PRUNE2: variants seen among roughly 807,000 people sequenced by gnomAD.
PRUNE2 encodes protein prune homolog 2.
PRUNE2 carries 164 observed loss-of-function variants against 252.0 expected under a neutral mutation model. The ratio of observed to expected loss-of-function variants is 0.65; its 90% CI spans 0.57 to 0.74. The LOEUF (loss-of-function observed/expected upper bound fraction) is 0.74. Ranked by LOEUF, PRUNE2 falls within the 30% of genes least tolerant of loss-of-function variation. The probability of loss-of-function intolerance (pLI) is 0.00; values close to 1 mark genes in which losing one functional copy is unlikely to be tolerated. For synonymous variants in PRUNE2, 1,292 were observed against 1,350.2 expected (o/e 0.96, Z 0.94); for missense variants, 3,495 against 3,711.0 (o/e 0.94, Z 1.51).
intron 6 of PRUNE2, among the ~76,000 whole-genome samples, chr9:76,787,835 G>A (rs1284678044): frequency 6.6e-6 from 1 of 152,164 alleles, no homozygotes; most frequent in Non-Finnish European, 1.5e-5. Context: ...CCGTCTAGTT[G>A]CACAGTGCCG....
intron 9 of PRUNE2, among the ~76,000 whole-genome samples, chr9:76,675,578 G>C: frequency 9.3e-6 from 1 of 108,062 alleles, no homozygotes; most frequent in African/African-American, 3.0e-5. Context: ...TATACCCAAA[G>C]GACTATAAAT....
At chr9:76,899,124 G>C (rs1378542183) in intron 1 of PRUNE2, among the ~76,000 whole-genome samples, 1 of 152,212 alleles carries the variant, frequency 6.6e-6, no homozygotes. Flanking sequence ...AGACTAGGCT[G>C]GGCTGACTTG....
intron 1 of PRUNE2, among the ~76,000 whole-genome samples, chr9:76,901,287 A>G (rs2063156631): frequency 6.6e-5 from 10 of 152,088 alleles, no homozygotes; most frequent in Admixed American, 6.6e-4. Flanking sequence ...CATTCACGGG[A>G]AGTGCTTTGG....
At chr9:76,891,448 G>A (rs2062466889) in intron 1 of PRUNE2, among the ~76,000 whole-genome samples, 1 of 152,128 alleles carries the variant, frequency 6.6e-6, no homozygotes, top group Non-Finnish European at 1.5e-5. Flanking sequence ...TCCATTACAG[G>A]TGACACTTAG....
At chr9:76,641,285 C>T (rs471891) in intron 12 of PRUNE2, among the ~76,000 whole-genome samples, 2 of 151,598 alleles carry the variant, frequency 1.3e-5, no homozygotes, top group African/African-American at 4.9e-5. Flanking sequence ...GCAAAAAGAG[C>T]AGGAAGAAAG....
At position 76,710,021 on chromosome 9, in the gene PRUNE2, T is replaced by C. The variant is rs1328546887; in HGVS notation, c.2253A>G (p.Pro751=). Residue 751 remains proline, a synonymous_variant, in exon 8 of 19, where the codon CCA becomes CCG. Transcript: ENST00000376718. The stretch of plus-strand genomic sequence containing the variant: ...GGTTTGTTCCTTGGGGAGATGTATT[T>C]GGCAAAGGTGACTTCTCCATGGGCA... ...QNLPMEKSPL[P]NTSPQGTNHL... 1.2e-6 allele frequency: 2 copies of C among 1,613,736 alleles called. No individual in the cohort carries two copies. The highest frequency in any genetic ancestry group is 2.7e-5 in the African/African-American group (2 of 74,910).
At chr9:76,896,557 C>T (rs1361694371) in intron 1 of PRUNE2, among the ~76,000 whole-genome samples, 3 of 152,174 alleles carry the variant, frequency 2.0e-5, no homozygotes, top group South Asian at 2.1e-4. Context: ...TGAATCCTTT[C>T]ATCGCTTTCT....
chr9:76,697,316 G>A (rs1414659755), intron 9 of PRUNE2, among the ~76,000 whole-genome samples: 1 of 152,118 alleles, frequency 6.6e-6, no homozygotes, highest in Non-Finnish European at 1.5e-5. Flanking sequence ...GGCTCTCTCT[G>A]GCTGTAAAAT....
At chr9:76,768,036 C>T (rs568682448) in intron 6 of PRUNE2, among the ~76,000 whole-genome samples, 12 of 152,268 alleles carry the variant, frequency 7.9e-5, no homozygotes, top group African/African-American at 2.2e-4. Context: ...TGCATCACAG[C>T]GGCAGGTCAG....
chr9:76,692,256 C>T (rs978239293), intron 9 of PRUNE2: 52 of 689,902 alleles, frequency 7.5e-5, no homozygotes, highest in Non-Finnish European at 1.2e-4. Context: ...CCCATGCAGC[C>T]GCTGTGGCTA....
chr9:76,867,714 G>A (rs766789267), intron 1 of PRUNE2, among the ~76,000 whole-genome samples: 15 of 152,148 alleles, frequency 9.9e-5, no homozygotes, highest in South Asian at 4.2e-4. Flanking sequence ...GATTACAGGC[G>A]CGTGCCACCA....
chr9:76,703,208 C>G lies in PRUNE2; in HGVS notation c.8276+129G>C, dbSNP rs1381486345. On this transcript the variant is annotated intron_variant, in intron 9 of 18. Transcript: ENST00000376718. ...AGTAGCTGCTTTTACTGATGGTGTG[C>G]CTTGCATTCAATATAAGCAAAGCTG... is the stretch of plus-strand genomic sequence containing the variant. 3 of 714,692 alleles carry G rather than the reference C, an allele frequency of 4.2e-6. No individual in the cohort carries two copies. The East Asian group carries it at 8.2e-5, about 20-fold the overall frequency. 44.3% of individuals were successfully genotyped at this position (714,692 alleles called of 1,614,324 possible).
chr9:76,754,869 G>A (rs908084249), intron 6 of PRUNE2, among the ~76,000 whole-genome samples: 1 of 151,054 alleles, frequency 6.6e-6, no homozygotes, highest in Non-Finnish European at 1.5e-5. Context: ...GGGAGGCTGA[G>A]GCAGGAGAAT....
chr9:76,746,501 C>G (rs1288502416), intron 6 of PRUNE2, among the ~76,000 whole-genome samples: 1 of 151,190 alleles, frequency 6.6e-6, no homozygotes, highest in East Asian at 1.9e-4. Flanking sequence ...GTCAGGAGAT[C>G]GAGACCATCC....
intron 1 of PRUNE2, among the ~76,000 whole-genome samples, chr9:76,895,124 G>T (rs750219643): frequency 4.4e-4 from 67 of 152,128 alleles, no homozygotes; most frequent in Non-Finnish European, 7.8e-4. Context: ...CTGAGGGGAA[G>T]AAATAATTTC....
At chr9:76,692,920 G>C (rs1006635518) in intron 9 of PRUNE2, 1 of 151,900 alleles carries the variant, frequency 6.6e-6, no homozygotes, top group Admixed American at 6.6e-5. Context: ...AGGTTGCAGT[G>C]AGCCGAGATT....
intron 6 of PRUNE2, among the ~76,000 whole-genome samples, chr9:76,820,473 A>C (rs1474034531): frequency 2.0e-5 from 3 of 152,186 alleles, no homozygotes; most frequent in Non-Finnish European, 2.9e-5. Context: ...AGTTACAGGG[A>C]GATAAATCTT....
intron 4 of PRUNE2, among the ~76,000 whole-genome samples, chr9:76,840,825 AC>A: frequency 6.6e-6 from 1 of 152,162 alleles, no homozygotes; most frequent in East Asian, 1.9e-4. Context: ...TGCTAAAAAC[AC>A]AAAAATTAGC....
intron 6 of PRUNE2, among the ~76,000 whole-genome samples, chr9:76,781,848 G>A (rs1228134768): frequency 1.3e-5 from 2 of 152,156 alleles, no homozygotes; most frequent in East Asian, 1.9e-4. Flanking sequence ...TATAACCAAC[G>A]TGTACAGCAA....
Sources: gnomAD v4.1 joint callset for allele counts (sites outside exome capture counted in the v4.1 genomes callset) on GRCh38, gnomAD v4.1.1 for gene constraint, MANE v1.5 for transcripts, NCBI Gene and HGNC (gene_info 2026-07-23, HGNC 2026-07-21) for gene names.